ABCC3: variants seen among roughly 807,000 people sequenced by gnomAD.
ABCC3 encodes ATP-binding cassette sub-family C member 3.
Under a neutral mutation model 165.3 loss-of-function variants are expected in ABCC3, and 121 were observed. The ratio of observed to expected loss-of-function variants is 0.73; its 90% confidence interval spans 0.63 to 0.85. The LOEUF is 0.85. ABCC3 is among the 40% of genes least tolerant of loss of function. The probability of loss-of-function intolerance (pLI) is 0.00; values close to 1 mark genes in which losing one functional copy is unlikely to be tolerated. For synonymous variants in ABCC3, 733 were observed against 810.1 expected (o/e 0.90, Z 1.62); for missense variants, 1,869 against 1,964.1 (o/e 0.95, Z 0.92).
Position 50,683,697 on chromosome 17 carries a change from C to T in ABCC3, c.3895C>T (p.Arg1299Trp), listed in dbSNP as rs183576378. The change falls in exon 27 of 31, where the codon CGG becomes TGG. Residue 1299 changes from arginine to tryptophan, a missense_variant. Coordinates refer to ENST00000285238, the MANE Select transcript of ABCC3 (RefSeq NM_003786.4). ...GTTCCGGAATTATTCTGTGCGCTAC[C>T]GGCCGGGCCTAGACCTGGTGCTGAG... ...VEFRNYSVRYRPGLDLVLRDL... is the reference protein window; with the variant it reads ...VEFRNYSVRYWPGLDLVLRDL... 3.5e-5 allele frequency: 57 copies of T among 1,608,270 alleles called. No individual in the cohort carries two copies. The Admixed American group carries it at 6.8e-4, about 19-fold the overall frequency.
intron 11 of ABCC3, among the ~76,000 whole-genome samples, chr17:50,665,960 C>G (rs1233837781): frequency 6.6e-6 from 1 of 151,934 alleles, no homozygotes; most frequent in Non-Finnish European, 1.5e-5. Context: ...ATGACAAACC[C>G]CCTAAGAAGA....
At chr17:50,661,933 C>T (rs1157940628) in intron 8 of ABCC3, among the ~76,000 whole-genome samples, 1 of 152,136 alleles carries the variant, frequency 6.6e-6, no homozygotes, top group Non-Finnish European at 1.5e-5. Context: ...AGTTCAGCCT[C>T]AGCTTAGTCA....
intron 8 of ABCC3, among the ~76,000 whole-genome samples, chr17:50,661,390 G>A (rs749284647): frequency 7.2e-5 from 11 of 152,190 alleles, no homozygotes; most frequent in Non-Finnish European, 1.3e-4. Flanking sequence ...AATCCTATGC[G>A]GAATTGCCCC....
At chr17:50,689,534 C>T (rs1279220159) in intron 30 of ABCC3, among the ~76,000 whole-genome samples, 1 of 152,176 alleles carries the variant, frequency 6.6e-6, no homozygotes, top group Non-Finnish European at 1.5e-5. Context: ...GTGGGAATAC[C>T]CCAACAGGCC....
In ABCC3 at chr17:50,667,566, A is replaced by G; in HGVS notation, c.1444A>G (p.Lys482Glu). Reference protein sequence around the residue: ...KMRAFQVKQMKLKDSRIKLMS... With the variant: ...KMRAFQVKQMELKDSRIKLMS... ...TCTGCCTGCACAGGTAAAGCAAATG[A>G]AATTGAAGGACTCGCGCATCAAGCT... Residue 482 changes from lysine (K) to glutamate (E), a missense_variant, in exon 12 of 31, where the codon AAA becomes GAA. By Grantham distance (56) the Lys-to-Glu change is moderately conservative. Coordinates refer to ENST00000285238, the MANE Select transcript of ABCC3 (RefSeq NM_003786.4). 6.2e-7 allele frequency: 1 copy of G among 1,608,766 alleles called. No homozygotes were observed. The highest frequency in any genetic ancestry group is 8.5e-7 in the Non-Finnish European group (1 of 1,175,476).
At chr17:50,665,679 C>T (rs1257368938) in intron 11 of ABCC3, among the ~76,000 whole-genome samples, 1 of 150,920 alleles carries the variant, frequency 6.6e-6, no homozygotes. Context: ...GATCTCGGCT[C>T]ACTGCAACCT....
At chr17:50,672,868 AG>A in intron 17 of ABCC3, 102 bp from the exon 18 acceptor site, 2 of 1,007,420 alleles carry the variant, frequency 2.0e-6, no homozygotes, top group Non-Finnish European at 2.8e-6. Context: ...ACCCCATCTC[AG>A]GAAAAAAAAA....
Position 50,669,542 on chromosome 17 carries a change from T to C in ABCC3, c.2241+14T>C. 1 of 1,613,050 alleles carries C rather than the reference T, an allele frequency of 6.2e-7. No individual in the cohort carries two copies. The highest frequency in any genetic ancestry group is 1.1e-5 in the South Asian group (1 of 91,070). The stretch of plus-strand genomic sequence containing the variant: ...ATTGGAGAGAAGGTACAGAGTCCTC[T>C]TCCATCCCTAAGAGGCTAGGGCATA... On this transcript the variant is annotated intron_variant, in intron 17 of 30. Coordinates refer to ENST00000285238, the MANE Select transcript of ABCC3 (RefSeq NM_003786.4).
intron 1 of ABCC3, among the ~76,000 whole-genome samples, chr17:50,638,569 T>C (rs980765047): frequency 1.3e-5 from 2 of 152,188 alleles, no homozygotes; most frequent in African/African-American, 4.8e-5. Flanking sequence ...CATTAGTTCC[T>C]CCTCTGAGAT....
chr17:50,643,435 G>A (rs1048300395), intron 1 of ABCC3: 9 of 429,512 alleles, frequency 2.1e-5, no homozygotes, highest in African/African-American at 1.2e-4. Flanking sequence ...AGATGTACAT[G>A]GTACAACTTC....
intron 17 of ABCC3, 44 bp from the exon 18 acceptor site, chr17:50,672,927 G>T: frequency 6.3e-7 from 1 of 1,581,166 alleles, no homozygotes. Flanking sequence ...TTGTCTCCCT[G>T]TGCCTGTCTG....
At chr17:50,690,258 T>C (rs985527333) in intron 30 of ABCC3, among the ~76,000 whole-genome samples, 6 of 142,156 alleles carry the variant, frequency 4.2e-5, no homozygotes, top group Non-Finnish European at 9.0e-5. Flanking sequence ...TTGAGGACCA[T>C]GGGAGAGCAT....
intron 2 of ABCC3, among the ~76,000 whole-genome samples, chr17:50,656,352 G>A (rs1967246541): frequency 1.3e-5 from 2 of 152,208 alleles, no homozygotes; most frequent in Admixed American, 1.3e-4. Flanking sequence ...TGGGATTAGA[G>A]GCATGAGCCA....
At chr17:50,680,154 A>G (rs1026080337) in intron 26 of ABCC3, among the ~76,000 whole-genome samples, 2 of 152,184 alleles carry the variant, frequency 1.3e-5, no homozygotes, top group Non-Finnish European at 2.9e-5. Flanking sequence ...AGGGCTTTGC[A>G]GTGGATGACC....
chr17:50,688,731 A>G (rs1336090714), intron 30 of ABCC3, among the ~76,000 whole-genome samples: 2 of 151,796 alleles, frequency 1.3e-5, no homozygotes, highest in Non-Finnish European at 1.5e-5. Flanking sequence ...TACTAAAAAC[A>G]AAACAAAACA....
chr17:50,657,030 T>C lies in ABCC3; in HGVS notation c.349-16T>C. On this transcript the variant is annotated splice_polypyrimidine_tract_variant and intron_variant, in intron 3 of 30. Coordinates refer to ENST00000285238, the MANE Select transcript of ABCC3 (RefSeq NM_003786.4). ...TGTGTGTGTTCTGCCCGGGCCTCCCTGCCCTCCCTGCACAGCTGCTGGCCA... is the reference window on the plus strand; with the variant it reads ...TGTGTGTGTTCTGCCCGGGCCTCCCCGCCCTCCCTGCACAGCTGCTGGCCA... 2 of 1,610,932 alleles carry C rather than the reference T, an allele frequency of 1.2e-6. No homozygotes were observed. The highest frequency in any genetic ancestry group is 1.7e-6 in the Non-Finnish European group (2 of 1,178,436).
intron 17 of ABCC3, among the ~76,000 whole-genome samples, chr17:50,669,983 A>G (rs1199268021): frequency 6.6e-6 from 1 of 151,866 alleles, no homozygotes; most frequent in East Asian, 1.9e-4. Flanking sequence ...TTTTTTAGAG[A>G]CAGCGTCTTG....
intron 17 of ABCC3, 115 bp from the exon 18 acceptor site, chr17:50,672,856 A>T: frequency 1.1e-6 from 1 of 901,650 alleles, no homozygotes; most frequent in Non-Finnish European, 1.6e-6. Context: ...TGGGTGAGTG[A>T]GACCCCATCT....
At position 50,671,702 on chromosome 17, in the gene ABCC3, C is replaced by CTTTTTTTTT. The variant is rs386386244; in HGVS notation, c.2242-1247_2242-1239dup. Among the ~76,000 whole-genome samples, 42 of 56,396 alleles carry CTTTTTTTTT rather than the reference C, an allele frequency of 7.4e-4. 4 individuals are homozygous for CTTTTTTTTT. Among genetic ancestry groups the CTTTTTTTTT allele is most frequent in the Non-Finnish European group, 9.9e-4 (28 of 28,278 alleles). The allele number at this position is 56,396 out of a possible 152,430, so 37.0% of individuals were successfully genotyped here. On this transcript the variant is annotated intron_variant, in intron 17 of 30. Coordinates refer to ENST00000285238, the MANE Select transcript of ABCC3 (RefSeq NM_003786.4). Reference sequence around the variant, plus strand: ...AGCTCAGGTCTCTCTTCCTTCCTTCCTTTTTTTTTTTTTTTTTTTTTTTTT... The same window carrying CTTTTTTTTT: ...AGCTCAGGTCTCTCTTCCTTCCTTCCTTTTTTTTTTTTTTTTTTTTTTTTTTTTTTTTTT...
Sources: gnomAD v4.1 joint callset for allele counts (sites outside exome capture counted in the v4.1 genomes callset) on GRCh38, gnomAD v4.1.1 for gene constraint, MANE v1.5 for transcripts, NCBI Gene and HGNC (gene_info 2026-07-23, HGNC 2026-07-21) for gene names.